The following GMDS variants were observed in gnomAD, a reference collection of about 807,000 sequenced individuals.
The protein encoded by GMDS is GDP-mannose 4,6 dehydratase.
A neutral mutation model predicts 49.9 loss-of-function variants in GMDS; 20 were observed. The observed-to-expected ratio is 0.40, with a 90% CI of 0.28 to 0.58. The LOEUF is 0.58. Ranked by LOEUF, GMDS falls within the 20% of genes least tolerant of loss-of-function variation. The pLI, the probability that GMDS is intolerant of heterozygous loss-of-function variation, is 0.42. For synonymous variants in GMDS, 177 were observed against 178.6 expected, an observed-to-expected ratio of 0.99 and a Z score of 0.07; for missense variants, 362 against 481.4, an observed-to-expected ratio of 0.75 and a Z score of 2.32.
At chr6:2,105,051 A>G (rs558298146) in intron 4 of GMDS, among the ~76,000 whole-genome samples, 86 of 152,086 alleles carry the variant, frequency 5.7e-4, no homozygotes, top group East Asian at 5.0e-3. Context: ...GTGTGGTGGC[A>G]GGCACCTGTA....
At chr6:1,941,226 G>A (rs1274116671) in intron 6 of GMDS, among the ~76,000 whole-genome samples, 1 of 152,074 alleles carries the variant, frequency 6.6e-6, no homozygotes, top group Non-Finnish European at 1.5e-5. Context: ...GCCTTCCAAC[G>A]AGGGTCTAGG....
chr6:1,939,494 C>T (rs151129582), intron 6 of GMDS, among the ~76,000 whole-genome samples: 2,135 of 151,716 alleles, frequency 0.014, 26 homozygotes, highest in Non-Finnish European at 0.022. Flanking sequence ...CAAGGATATA[C>T]ATATACACAC....
intron 7 of GMDS, among the ~76,000 whole-genome samples, chr6:1,802,867 T>A (rs1231972760): frequency 1.3e-5 from 2 of 152,236 alleles, no homozygotes; most frequent in Non-Finnish European, 2.9e-5. Context: ...CTGTTTCAAT[T>A]ACGACTTTCT....
At chr6:1,812,033 G>A (rs1770450521) in intron 7 of GMDS, among the ~76,000 whole-genome samples, 1 of 151,368 alleles carries the variant, frequency 6.6e-6, no homozygotes, top group African/African-American at 2.4e-5. Flanking sequence ...GTCAAGTAGG[G>A]GAAGAGATCT....
chr6:2,043,884 C>T (rs1432026948), intron 4 of GMDS, among the ~76,000 whole-genome samples: 1 of 151,402 alleles, frequency 6.6e-6, no homozygotes, highest in South Asian at 2.1e-4. Flanking sequence ...ACAACAACAA[C>T]CCCATTAAAA....
chr6:2,113,572 AT>A (rs1047230409), intron 4 of GMDS, among the ~76,000 whole-genome samples: 1 of 151,886 alleles, frequency 6.6e-6, no homozygotes, highest in African/African-American at 2.4e-5. Context: ...CGTTTCAACT[AT>A]TAGTTTCCCG....
chr6:1,656,711 C>A (rs1421266225), intron 9 of GMDS, among the ~76,000 whole-genome samples: 1 of 151,914 alleles, frequency 6.6e-6, no homozygotes, highest in South Asian at 2.1e-4. Flanking sequence ...TTGCAGTGAG[C>A]CGAGATCGCG....
intron 4 of GMDS, among the ~76,000 whole-genome samples, chr6:2,020,810 C>A (rs1768232384): frequency 6.6e-6 from 1 of 152,178 alleles, no homozygotes; most frequent in South Asian, 2.1e-4. Context: ...AATACAGCTA[C>A]TCATAAGGAA....
At chr6:1,709,551 C>T (rs577070397) in intron 9 of GMDS, among the ~76,000 whole-genome samples, 3 of 152,322 alleles carry the variant, frequency 2.0e-5, no homozygotes, top group South Asian at 2.1e-4. Flanking sequence ...TCAGAGGTGA[C>T]GTGTTGCCTG....
intron 6 of GMDS, among the ~76,000 whole-genome samples, chr6:1,943,691 G>A (rs1211077853): frequency 6.6e-6 from 1 of 152,106 alleles, no homozygotes; most frequent in Non-Finnish European, 1.5e-5. Flanking sequence ...AAGAATAAAG[G>A]TAATACCACA....
chr6:2,016,068 A>T (rs1581519887), intron 4 of GMDS, among the ~76,000 whole-genome samples: 1 of 18,184 alleles, frequency 5.5e-5, no homozygotes, highest in Non-Finnish European at 1.3e-4. Flanking sequence ...CCCTGTTTCT[A>T]AAAAAAAAAA....
At chr6:2,101,678 G>GA (rs1773935572) in intron 4 of GMDS, among the ~76,000 whole-genome samples, 1 of 151,818 alleles carries the variant, frequency 6.6e-6, no homozygotes, top group Non-Finnish European at 1.5e-5. Flanking sequence ...AAACTGTGGG[G>GA]GAAAAAAGGC....
At position 2,135,390 on chromosome 6, in the gene GMDS, C is replaced by T. The variant is rs140226551; in HGVS notation, c.103-10659G>A. On this transcript the variant is annotated intron_variant, in intron 1 of 10. Coordinates refer to ENST00000380815, the MANE Select transcript of GMDS (RefSeq NM_001500.4). ...TTGCCTGAGCTCATTTAAAGGGATA[C>T]CTTTATCCTGAGGTTTAAAAACAGT... 6.3e-3 allele frequency among the ~76,000 whole-genome samples: 958 copies of T among 152,140 alleles called. 12 individuals are homozygous for T. The highest frequency in any genetic ancestry group is 0.022 in the African/African-American group (918 of 41,518).
intron 9 of GMDS, chr6:1,625,549 G>C (rs565171135): frequency 3.3e-5 from 5 of 152,214 alleles, no homozygotes; most frequent in African/African-American, 9.7e-5. Context: ...TGGAAGGAAG[G>C]CTGGCTAAAA....
chr6:2,112,040 C>T (rs56951103), intron 4 of GMDS, among the ~76,000 whole-genome samples: 5 of 152,266 alleles, frequency 3.3e-5, no homozygotes, highest in African/African-American at 7.2e-5. Context: ...CCCTTCCCCA[C>T]GCCCGCTCTG....
At position 1,623,908 on chromosome 6, in the gene GMDS, G is replaced by C. The variant is rs1376614220; in HGVS notation, c.*261C>G. 2.3e-5 allele frequency: 11 copies of C among 481,722 alleles called. No individual in the cohort carries two copies. Among genetic ancestry groups the C allele is most frequent in the Non-Finnish European group, 4.0e-5 (11 of 272,862 alleles). 29.8% of individuals were successfully genotyped at this position (481,722 alleles called of 1,614,324 possible). ...ACATAATTTCAAGTAAAGTGAATGTGATTAAAACATCTTGATTTCACAAAG... is the reference window on the plus strand; with the variant it reads ...ACATAATTTCAAGTAAAGTGAATGTCATTAAAACATCTTGATTTCACAAAG... On this transcript the variant is annotated 3_prime_UTR_variant, in exon 11 of 11. Transcript: ENST00000380815.
At chr6:2,027,996 A>C (rs1221288690) in intron 4 of GMDS, among the ~76,000 whole-genome samples, 2 of 152,194 alleles carry the variant, frequency 1.3e-5, no homozygotes, top group African/African-American at 4.8e-5. Flanking sequence ...GTTTAAAAAA[A>C]GCTTCAAAAC....
At chr6:2,135,683 G>A (rs993306884) in intron 1 of GMDS, among the ~76,000 whole-genome samples, 1 of 151,852 alleles carries the variant, frequency 6.6e-6, no homozygotes, top group African/African-American at 2.4e-5. Context: ...TCACATTTTA[G>A]GCCAGCACTG....
intron 4 of GMDS, among the ~76,000 whole-genome samples, chr6:2,054,949 T>C (rs982039164): frequency 2.6e-5 from 4 of 152,050 alleles, no homozygotes; most frequent in African/African-American, 7.2e-5. Flanking sequence ...ATCAAGGTTA[T>C]ACAGAAAAAT....
Sources: allele counts gnomAD v4.1 joint callset (sites outside exome capture counted in the v4.1 genomes callset), GRCh38; gene constraint gnomAD v4.1.1; transcripts MANE v1.5; gene names NCBI Gene and HGNC (gene_info 2026-07-23, HGNC 2026-07-21).